SCN11A: variants seen among roughly 807,000 people sequenced by gnomAD.
The protein encoded by SCN11A is sodium voltage-gated channel alpha subunit 11.
SCN11A carries 122 observed loss-of-function variants against 162.2 expected under a neutral mutation model. The ratio of observed to expected loss-of-function variants is 0.75; its 90% CI spans 0.65 to 0.87. SCN11A has a LOEUF of 0.87. Ranked by LOEUF, SCN11A falls within the 40% of genes least tolerant of loss-of-function variation. SCN11A has a pLI of 0.00. For missense variants in SCN11A, 2,015 were observed against 2,181.6 expected (o/e 0.92, Z 1.52); for synonymous variants, 758 against 751.5 (o/e 1.01, Z -0.14).
At chr3:38,938,035 G>C (rs1575315638) in intron 7 of SCN11A, among the ~76,000 whole-genome samples, 1 of 152,272 alleles carries the variant, frequency 6.6e-6, no homozygotes, top group African/African-American at 2.4e-5. Flanking sequence ...ATACACCATG[G>C]AATACGATGC....
rs267599813 is a variant in SCN11A, at chr3:38,905,192, C to G, written c.1603G>C (p.Glu535Gln). The change falls in exon 15 of 30, where the codon GAA becomes CAA. Residue 535 changes from glutamate (E) to glutamine (Q), a missense_variant and splice_region_variant. By Grantham distance (29) the Glu-to-Gln change is conservative. Transcript: ENST00000302328. ...AVSILTITMK[E>Q]QEKSQEPCLP... is the part of the protein sequence containing the mutation. ...CCTTGGATTGGGATGTGGAACTTACCCTTCATGGTGATGGTGAGGATGCTG... is the reference window on the plus strand; with the variant it reads ...CCTTGGATTGGGATGTGGAACTTACGCTTCATGGTGATGGTGAGGATGCTG... 1 of 1,613,882 alleles carries G rather than the reference C, an allele frequency of 6.2e-7. No individual in the cohort carries two copies. Among genetic ancestry groups the G allele is most frequent in the East Asian group, 2.2e-5 (1 of 44,868 alleles).
At chr3:38,940,583 G>T (rs1404490820) in intron 7 of SCN11A, among the ~76,000 whole-genome samples, 1 of 152,190 alleles carries the variant, frequency 6.6e-6, no homozygotes, top group African/African-American at 2.4e-5. Context: ...AACAAATGGT[G>T]TTGGGACAAA....
chr3:38,944,503 T>G (rs903847456), intron 7 of SCN11A, among the ~76,000 whole-genome samples: 1 of 151,796 alleles, frequency 6.6e-6, no homozygotes, highest in Non-Finnish European at 1.5e-5. Context: ...ATTTTTTGTA[T>G]TTTTAGTAGA....
At chr3:39,014,006 T>C (rs781638565) in intron 2 of SCN11A, among the ~76,000 whole-genome samples, 1 of 152,270 alleles carries the variant, frequency 6.6e-6, no homozygotes, top group Non-Finnish European at 1.5e-5. Flanking sequence ...TTGATACTTA[T>C]CACATCCTTT....
chr3:38,883,482 C>T, intron 21 of SCN11A, 95 bp from the exon 22 acceptor site: 1 of 1,159,248 alleles, frequency 8.6e-7, no homozygotes, highest in Non-Finnish European at 1.2e-6. Context: ...TGCCCCTTGC[C>T]ATGCGACCTG....
chr3:39,002,965 C>T (rs916805390), intron 2 of SCN11A, among the ~76,000 whole-genome samples: 6 of 152,184 alleles, frequency 3.9e-5, no homozygotes, highest in African/African-American at 9.7e-5. Context: ...TTGTTTATTA[C>T]AGTGCTTTGC....
intron 4 of SCN11A, among the ~76,000 whole-genome samples, chr3:38,951,252 G>A (rs1399957875): frequency 1.3e-5 from 2 of 152,210 alleles, no homozygotes; most frequent in Non-Finnish European, 2.9e-5. Flanking sequence ...CGGAGCAGCC[G>A]GCTGGCCCTG....
chr3:39,046,789 C>T (rs2032192267), intron 1 of SCN11A, among the ~76,000 whole-genome samples: 1 of 152,186 alleles, frequency 6.6e-6, no homozygotes, highest in African/African-American at 2.4e-5. Flanking sequence ...GATGTGATCT[C>T]TGCTCACTGC....
chr3:38,850,244 G>C lies in SCN11A; in HGVS notation c.4327+237C>G, dbSNP rs543511781. The C allele has an allele frequency of 8.4e-6, 4 of 477,480 alleles. No individual in the cohort carries two copies. In the South Asian group the frequency reaches 1.3e-4, roughly 16 times the overall value. The allele number at this position is 477,480 out of a possible 1,614,324, so 29.6% of individuals were successfully genotyped here. A position where few individuals can be genotyped will look rare whatever the true frequency, so the allele number is the denominator to read the frequency against. On this transcript the variant is annotated intron_variant, in intron 29 of 29. Transcript: ENST00000302328. The stretch of plus-strand genomic sequence containing the variant: ...TCTATTTCCATTGAATACATTAGCT[G>C]CATGATTATTGAACTCTATTTCAGT...
chr3:38,933,410 A>T (rs2066277126), intron 7 of SCN11A, among the ~76,000 whole-genome samples: 1 of 152,246 alleles, frequency 6.6e-6, no homozygotes, highest in Non-Finnish European at 1.5e-5. Flanking sequence ...AAGGCTTCAG[A>T]CGATCAAACT....
At chr3:38,984,993 A>T (rs1420051603) in intron 2 of SCN11A, among the ~76,000 whole-genome samples, 1 of 143,782 alleles carries the variant, frequency 7.0e-6, no homozygotes, top group Admixed American at 6.7e-5. Flanking sequence ...AGATGTAGGC[A>T]GGGGCTGGAT....
intron 7 of SCN11A, among the ~76,000 whole-genome samples, chr3:38,943,939 T>C (rs1398930967): frequency 6.6e-6 from 1 of 152,204 alleles, no homozygotes; most frequent in Non-Finnish European, 1.5e-5. Flanking sequence ...ATTTATTGTA[T>C]ATTTCAAAAT....
At chr3:38,869,768 A>G (rs982330846) in intron 26 of SCN11A, among the ~76,000 whole-genome samples, 2 of 152,220 alleles carry the variant, frequency 1.3e-5, no homozygotes, top group East Asian at 3.8e-4. Flanking sequence ...CTGACATAAC[A>G]TGCAAAGGTC....
At chr3:38,878,840 G>A (rs1190958702) in intron 23 of SCN11A, among the ~76,000 whole-genome samples, 1 of 152,064 alleles carries the variant, frequency 6.6e-6, no homozygotes, top group African/African-American at 2.4e-5. Context: ...CTCCAGTGGG[G>A]TTTCCTGACC....
chr3:38,870,747 G>A lies in SCN11A; in HGVS notation c.3760-3C>T. The stretch of plus-strand genomic sequence containing the variant: ...TCCATCCAGCCCTTAAATGTTGCCT[G>A]CAACAAAAGCAGAAAAACATGAATA... On this transcript the variant is annotated splice_region_variant and splice_polypyrimidine_tract_variant and intron_variant, in intron 25 of 29. Transcript: ENST00000302328. The A allele has an allele frequency of 2.5e-6, 4 of 1,612,484 alleles. No individual in the cohort carries two copies. Among genetic ancestry groups the A allele is most frequent in the Non-Finnish European group, 3.4e-6 (4 of 1,178,732 alleles).
chr3:38,859,264 T>C (rs1223827038), intron 28 of SCN11A, among the ~76,000 whole-genome samples: 2 of 152,030 alleles, frequency 1.3e-5, no homozygotes, highest in Non-Finnish European at 2.9e-5. Context: ...ATAAAAATGA[T>C]AGACCATTAG....
At position 38,943,607 on chromosome 3, in the gene SCN11A, T is replaced by C. The variant is rs558350336; in HGVS notation, c.488+1804A>G. On this transcript the variant is annotated intron_variant, in intron 7 of 29. Coordinates refer to ENST00000302328, the MANE Select transcript of SCN11A (RefSeq NM_001349253.2). ...AAAAGCCAATGCAAATGATAAAAAG[T>C]TAATATTTTGGTTATACAGAGAACT... Among the ~76,000 whole-genome samples the C allele has an allele frequency of 2.0e-5, 3 of 152,326 alleles. No homozygotes were observed. The East Asian group carries it at 5.8e-4, about 29-fold the overall frequency.
At chr3:39,043,237 C>A (rs150104291) in intron 1 of SCN11A, among the ~76,000 whole-genome samples, 2 of 152,100 alleles carry the variant, frequency 1.3e-5, no homozygotes, top group African/African-American at 4.8e-5. Context: ...ATTTGTACAA[C>A]CATTATGAAG....
At chr3:38,967,046 C>G (rs1325273172) in intron 2 of SCN11A, among the ~76,000 whole-genome samples, 1 of 152,142 alleles carries the variant, frequency 6.6e-6, no homozygotes. Context: ...ACTGATATGG[C>G]CAACTGTGGC....
Sources: gnomAD v4.1 joint callset for allele counts (sites outside exome capture counted in the v4.1 genomes callset) on GRCh38, gnomAD v4.1.1 for gene constraint, MANE v1.5 for transcripts, NCBI Gene and HGNC (gene_info 2026-07-23, HGNC 2026-07-21) for gene names.